Variants in DAB1 observed in about 807,000 individuals in gnomAD.
The protein encoded by DAB1 is disabled homolog 1.
In DAB1, 15 loss-of-function variants were observed where a neutral mutation model predicts 64.6. The ratio of observed to expected loss-of-function variants is 0.23; its 90% confidence interval spans 0.16 to 0.36. The LOEUF (loss-of-function observed/expected upper bound fraction) is 0.36. DAB1 is among the 10% of genes least tolerant of loss of function. The probability of loss-of-function intolerance (pLI) is 1.00; values close to 1 mark genes in which losing one functional copy is unlikely to be tolerated. For missense variants in DAB1, 596 were observed against 706.7 expected, an observed-to-expected ratio of 0.84 and a Z score of 1.78; for synonymous variants, 235 against 251.9, an observed-to-expected ratio of 0.93 and a Z score of 0.64.
In DAB1 at chr1:58,007,909, T is replaced by C. The variant is rs552853787; in HGVS notation, n.388-123747A>G. ...TTTCACATGTCTGGCTATCCATTTGTTAATACATAATTAAATAAATTATAT... is the reference window on the plus strand; with the variant it reads ...TTTCACATGTCTGGCTATCCATTTGCTAATACATAATTAAATAAATTATAT... On this transcript the variant is annotated intron_variant and non_coding_transcript_variant, in intron 5 of 20. Coordinates refer to the DAB1 transcript ENST00000485760. Among the ~76,000 whole-genome samples, 5 of 152,330 alleles carry C rather than the reference T, an allele frequency of 3.3e-5. No individual in the cohort carries two copies. The South Asian group carries it at 6.2e-4, about 19-fold the overall frequency.
At position 57,782,736 on chromosome 1, in the gene DAB1, C is replaced by T. The variant is rs537682456; in HGVS notation, n.551+101263G>A. Among the ~76,000 whole-genome samples, 146 of 152,276 alleles carry T rather than the reference C, an allele frequency of 9.6e-4. 1 individual carries two copies. Among genetic ancestry groups the T allele is most frequent in the Non-Finnish European group, 1.7e-3 (115 of 68,022 alleles). The stretch of plus-strand genomic sequence containing the variant: ...GTAGGTAATGCTTTGAAGCTACAAA[C>T]ATTGAATGCCTAATGTCACATTGTC... On this transcript the variant is annotated intron_variant and non_coding_transcript_variant, in intron 6 of 20. Coordinates refer to the DAB1 transcript ENST00000485760.
chr1:57,388,538 C>T (rs567865122), intron 1 of DAB1, among the ~76,000 whole-genome samples: 50 of 152,288 alleles, frequency 3.3e-4, no homozygotes, highest in African/African-American at 1.2e-3. Context: ...AGCTTCATCA[C>T]AAACTGAGCC....
At chr1:57,714,148 A>G (rs1370329856) in intron 6 of DAB1, among the ~76,000 whole-genome samples, 1 of 146,800 alleles carries the variant, frequency 6.8e-6, no homozygotes, top group African/African-American at 2.6e-5. Flanking sequence ...TGCATTTACT[A>G]CTTGCCAGCT....
intron 7 of DAB1, among the ~76,000 whole-genome samples, chr1:57,534,989 G>A (rs767142195): frequency 2.0e-5 from 3 of 152,118 alleles, no homozygotes; most frequent in Non-Finnish European, 4.4e-5. Context: ...CATCAACTGT[G>A]TTCTCTGCCT....
chr1:57,234,957 A>G (rs1667983081), intron 2 of DAB1, among the ~76,000 whole-genome samples: 1 of 152,188 alleles, frequency 6.6e-6, no homozygotes, highest in African/African-American at 2.4e-5. Flanking sequence ...GTCCTCTTAT[A>G]TCATCGGACA....
At chr1:58,359,765 T>A (rs546794947) in intron 3 of DAB1, among the ~76,000 whole-genome samples, 2 of 152,142 alleles carry the variant, frequency 1.3e-5, no homozygotes, top group East Asian at 3.9e-4. Context: ...CCTATGTTTC[T>A]GGCTCAACGT....
chr1:58,132,857 A>G (rs986659861), intron 5 of DAB1, among the ~76,000 whole-genome samples: 4 of 152,104 alleles, frequency 2.6e-5, no homozygotes, highest in African/African-American at 9.7e-5. Context: ...AGCACAATTA[A>G]AGTGAATTAA....
intron 3 of DAB1, among the ~76,000 whole-genome samples, chr1:58,474,306 A>T (rs1645397319): frequency 6.6e-6 from 1 of 152,150 alleles, no homozygotes; most frequent in Non-Finnish European, 1.5e-5. Context: ...CAGGATGTGA[A>T]CTCAGATCTT....
intron 1 of DAB1, among the ~76,000 whole-genome samples, chr1:57,831,326 T>C (rs1652577411): frequency 6.6e-6 from 1 of 152,086 alleles, no homozygotes; most frequent in African/African-American, 2.4e-5. Flanking sequence ...CTAATGTTTT[T>C]CCCTTACTCG....
At chr1:58,103,466 G>C (rs1020881939) in intron 5 of DAB1, among the ~76,000 whole-genome samples, 1 of 151,966 alleles carries the variant, frequency 6.6e-6, no homozygotes, top group Admixed American at 6.6e-5. Flanking sequence ...GCATGGTTGT[G>C]GTTCAATGAA....
chr1:57,250,557 G>T (rs1669257973), intron 2 of DAB1, among the ~76,000 whole-genome samples: 1 of 151,958 alleles, frequency 6.6e-6, no homozygotes, highest in Admixed American at 6.6e-5. Context: ...ACAGAAAACT[G>T]CCTTCCAATA....
At chr1:57,930,900 G>T (rs1409730711) in intron 5 of DAB1, among the ~76,000 whole-genome samples, 1 of 152,138 alleles carries the variant, frequency 6.6e-6, no homozygotes. Flanking sequence ...TGTTGAAAGA[G>T]AGTGGTGAAA....
chr1:57,251,911 C>A (rs1441187554), intron 2 of DAB1, among the ~76,000 whole-genome samples: 1 of 152,164 alleles, frequency 6.6e-6, no homozygotes, highest in Non-Finnish European at 1.5e-5. Flanking sequence ...GTGACAGCCC[C>A]CCAGCACACA....
intron 4 of DAB1, among the ~76,000 whole-genome samples, chr1:58,206,981 C>T (rs947555173): frequency 1.3e-4 from 20 of 152,190 alleles, no homozygotes; most frequent in African/African-American, 4.6e-4. Flanking sequence ...TCTCTCAGCA[C>T]CCTGCCTCCA....
At chr1:57,567,454 G>A (rs1264167248) in intron 7 of DAB1, among the ~76,000 whole-genome samples, 1 of 152,266 alleles carries the variant, frequency 6.6e-6, no homozygotes, top group East Asian at 1.9e-4. Flanking sequence ...AAGAAATAAA[G>A]GGTATTCAAT....
intron 2 of DAB1, among the ~76,000 whole-genome samples, chr1:57,217,102 G>C (rs889576294): frequency 6.6e-6 from 1 of 152,120 alleles, no homozygotes; most frequent in African/African-American, 2.4e-5. Flanking sequence ...GGCCTTCTCA[G>C]GATGGCACAG....
At chr1:57,981,544 T>C (rs1646065690) in intron 5 of DAB1, among the ~76,000 whole-genome samples, 1 of 152,226 alleles carries the variant, frequency 6.6e-6, no homozygotes, top group Non-Finnish European at 1.5e-5. Flanking sequence ...AAAGAAGATG[T>C]GCTTAATGTC....
At chr1:57,728,463 G>A (rs1216540225) in intron 6 of DAB1, among the ~76,000 whole-genome samples, 3 of 152,006 alleles carry the variant, frequency 2.0e-5, no homozygotes, top group East Asian at 1.9e-4. Context: ...GCGTGGTGGC[G>A]GGCACCTGTA....
chr1:58,222,738 C>T (rs1179522536), intron 4 of DAB1, among the ~76,000 whole-genome samples: 1 of 152,190 alleles, frequency 6.6e-6, no homozygotes, highest in Non-Finnish European at 1.5e-5. Flanking sequence ...TTCTTTCATA[C>T]AAGTAAAAAT....
Sources: gnomAD v4.1 joint callset for allele counts (sites outside exome capture counted in the v4.1 genomes callset) on GRCh38, gnomAD v4.1.1 for gene constraint, MANE v1.5 for transcripts, NCBI Gene and HGNC (gene_info 2026-07-23, HGNC 2026-07-21) for gene names.